FGF14: variants seen among roughly 807,000 people sequenced by gnomAD.
FGF14 encodes the protein fibroblast growth factor homologous factor 4.
Under a neutral mutation model 25.5 loss-of-function variants are expected in FGF14, and 5 were observed. That is an observed-to-expected ratio of 0.20 (90% CI 0.10 to 0.41). FGF14 has a LOEUF of 0.41. Among genes scored for constraint, FGF14 ranks in the 10% least tolerant of loss-of-function variants. The pLI, the probability that FGF14 is intolerant of heterozygous loss-of-function variation, is 1.00. For synonymous variants in FGF14, 138 were observed against 118.3 expected, an observed-to-expected ratio of 1.17 and a Z score of -1.08; for missense variants, 222 against 320.1, an observed-to-expected ratio of 0.69 and a Z score of 2.34.
intron 3 of FGF14, among the ~76,000 whole-genome samples, chr13:101,762,990 C>G (rs2038127399): frequency 1.3e-5 from 2 of 152,130 alleles, no homozygotes; most frequent in African/African-American, 4.8e-5. Context: ...GCCTTCAGCC[C>G]CATCATAAAA....
At chr13:101,974,260 T>G (rs1277682370) in intron 1 of FGF14, among the ~76,000 whole-genome samples, 1 of 152,180 alleles carries the variant, frequency 6.6e-6, no homozygotes, top group Admixed American at 6.5e-5. Context: ...TTGCATGAAC[T>G]CTCAGAGCTT....
intron 1 of FGF14, among the ~76,000 whole-genome samples, chr13:101,907,696 C>A (rs2032413989): frequency 6.6e-6 from 1 of 152,044 alleles, no homozygotes; most frequent in South Asian, 2.1e-4. Context: ...AATGCATAAC[C>A]AAGAGGGGAT....
At chr13:102,012,324 T>C (rs1364605892) in intron 1 of FGF14, among the ~76,000 whole-genome samples, 3 of 152,198 alleles carry the variant, frequency 2.0e-5, no homozygotes, top group Non-Finnish European at 4.4e-5. Flanking sequence ...TGCTTGAGTC[T>C]GGAAAGAGAA....
chr13:101,970,204 G>A (rs755472473), intron 1 of FGF14, among the ~76,000 whole-genome samples: 1 of 152,176 alleles, frequency 6.6e-6, no homozygotes, highest in Non-Finnish European at 1.5e-5. Context: ...AGGAGATCTA[G>A]ACCTTGTATG....
intron 1 of FGF14, among the ~76,000 whole-genome samples, chr13:101,915,199 C>A (rs954894562): frequency 1.3e-5 from 2 of 152,154 alleles, no homozygotes; most frequent in South Asian, 2.1e-4. Context: ...AATGTGACAA[C>A]AAGAAATTGT....
chr13:102,012,225 G>A (rs1566569598), intron 1 of FGF14, among the ~76,000 whole-genome samples: 2 of 152,072 alleles, frequency 1.3e-5, no homozygotes, highest in Non-Finnish European at 2.9e-5. Context: ...TGAAGGGGCA[G>A]AGAAGAAAAG....
intron 3 of FGF14, among the ~76,000 whole-genome samples, chr13:101,789,118 C>G (rs74859132): frequency 6.6e-6 from 1 of 151,742 alleles, no homozygotes; most frequent in East Asian, 1.9e-4. Flanking sequence ...GATTTTAGAG[C>G]TTCTATTTCT....
intron 3 of FGF14, among the ~76,000 whole-genome samples, chr13:101,819,425 A>C (rs1335297269): frequency 6.6e-6 from 1 of 152,210 alleles, no homozygotes; most frequent in Non-Finnish European, 1.5e-5. Flanking sequence ...CTTGCCCCAA[A>C]ATTGGGTTCA....
At chr13:102,320,098 G>A (rs2056187463) in intron 1 of FGF14, among the ~76,000 whole-genome samples, 1 of 152,060 alleles carries the variant, frequency 6.6e-6, no homozygotes. Context: ...TGCTCCCAAA[G>A]CAGCAGTTGT....
At chr13:102,294,423 AAAAC>A (rs1176616758) in intron 1 of FGF14, among the ~76,000 whole-genome samples, 1 of 152,096 alleles carries the variant, frequency 6.6e-6, no homozygotes, top group Non-Finnish European at 1.5e-5. Context: ...CCAAAAAAAA[AAAAC>A]AAACACATCC....
At chr13:101,773,299 GT>G (rs1460124859) in intron 3 of FGF14, among the ~76,000 whole-genome samples, 8 of 152,138 alleles carry the variant, frequency 5.3e-5, no homozygotes. Flanking sequence ...TGAGTAATCA[GT>G]TGCTCTGGGA....
chr13:101,913,842 C>T (rs1422559023), intron 1 of FGF14, among the ~76,000 whole-genome samples: 3 of 152,032 alleles, frequency 2.0e-5, no homozygotes, highest in Non-Finnish European at 2.9e-5. Context: ...TCCCAGCTCT[C>T]TTCATGCTTT....
intron 1 of FGF14, among the ~76,000 whole-genome samples, chr13:102,343,600 G>T (rs2057018088): frequency 6.6e-6 from 1 of 152,120 alleles, no homozygotes; most frequent in South Asian, 2.1e-4. Flanking sequence ...GATTAGAAGG[G>T]TGTGATATTA....
At chr13:102,136,217 G>A (rs78512228) in intron 1 of FGF14, among the ~76,000 whole-genome samples, 8,528 of 151,960 alleles carry the variant, frequency 0.056, 288 homozygotes, top group Middle Eastern at 0.17. Context: ...GATATTTATC[G>A]TGAACTTATT....
At position 101,830,486 on chromosome 13, in the gene FGF14, C is replaced by T. The variant is rs115144840; in HGVS notation, c.408+38239G>A. The stretch of plus-strand genomic sequence containing the variant: ...TAAATTCAGGAAATAAATTTAGTTA[C>T]CGGTTGTACATGGGCTGAGATGCAA... On this transcript the variant is annotated intron_variant, in intron 3 of 4. Transcript: ENST00000376143. 1.9e-3 allele frequency among the ~76,000 whole-genome samples: 295 copies of T among 152,088 alleles called. 1 individual carries two copies. The highest frequency in any genetic ancestry group is 6.8e-3 in the African/African-American group (282 of 41,496).
chr13:102,108,011 C>A (rs1259158044), intron 1 of FGF14, among the ~76,000 whole-genome samples: 1 of 152,036 alleles, frequency 6.6e-6, no homozygotes, highest in African/African-American at 2.4e-5. Flanking sequence ...TATTTTACAG[C>A]ATTTCTTCAG....
Position 102,378,627 on chromosome 13 carries a change from CTATCTATA to C in FGF14, c.208+22836_208+22843del, listed in dbSNP as rs919067616. Among the ~76,000 whole-genome samples, 31 of 132,746 alleles carry C rather than the reference CTATCTATA, an allele frequency of 2.3e-4. 1 individual carries two copies. Among genetic ancestry groups the C allele is most frequent in the African/African-American group, 8.3e-4 (29 of 35,076 alleles). The allele number at this position is 132,746 out of a possible 152,430, so 87.1% of individuals were successfully genotyped here. A position where few individuals can be genotyped will look rare whatever the true frequency, so the allele number is the denominator to read the frequency against. On this transcript the variant is annotated intron_variant, in intron 1 of 4. Transcript: ENST00000376131. Reference sequence around the variant, plus strand: ...TCTATCTATCTATCTATCTATCTATCTATCTATATATATATATATCTTCTCTTTTAATC... The same window carrying C: ...TCTATCTATCTATCTATCTATCTATCTATATATATATCTTCTCTTTTAATC...
chr13:102,312,421 T>A (rs1294789280), intron 1 of FGF14, among the ~76,000 whole-genome samples: 1 of 152,208 alleles, frequency 6.6e-6, no homozygotes, highest in African/African-American at 2.4e-5. Flanking sequence ...TATTTATTAC[T>A]GTTTACCAAG....
chr13:101,890,109 C>CA (rs1451147838), intron 1 of FGF14, among the ~76,000 whole-genome samples: 2 of 152,088 alleles, frequency 1.3e-5, no homozygotes, highest in African/African-American at 4.8e-5. Flanking sequence ...CAAAACAAAA[C>CA]AAAAGACATA....
Sources: gnomAD v4.1 joint callset for allele counts (sites outside exome capture counted in the v4.1 genomes callset) on GRCh38, gnomAD v4.1.1 for gene constraint, MANE v1.5 for transcripts, NCBI Gene and HGNC (gene_info 2026-07-23, HGNC 2026-07-21) for gene names.